SPMAP2L: variants seen among roughly 807,000 people sequenced by gnomAD.
SPMAP2L encodes sperm microtubule associated protein 2 like, also known as sperm microtubule associated protein 2-like.
chr4:56,551,691 G>A, the SPMAP2L span, among the ~76,000 whole-genome samples: 1 of 152,144 alleles, frequency 6.6e-6, no homozygotes. Context: ...TGTAATATGA[G>A]TCACCACAAC....
At chr4:56,617,321 C>T in the SPMAP2L span, among the ~76,000 whole-genome samples, 4 of 152,182 alleles carry the variant, frequency 2.6e-5, no homozygotes, top group African/African-American at 9.7e-5. Context: ...AATGGGACCA[C>T]TGTCATATAC....
chr4:56,532,312 T>TA, the SPMAP2L span, among the ~76,000 whole-genome samples: 1 of 152,188 alleles, frequency 6.6e-6, no homozygotes, highest in African/African-American at 2.4e-5. Flanking sequence ...TCTATTGCTT[T>TA]ACCCGCATCT....
the SPMAP2L span, among the ~76,000 whole-genome samples, chr4:56,605,451 A>G: frequency 6.6e-6 from 1 of 152,050 alleles, no homozygotes; most frequent in Admixed American, 6.5e-5. Flanking sequence ...AACAGAATAG[A>G]GAACTTTGAT....
the SPMAP2L span, chr4:56,603,394 T>A: frequency 1.8e-6 from 2 of 1,112,664 alleles, no homozygotes; most frequent in African/African-American, 3.1e-5. Context: ...TAGTTCCCTG[T>A]TGCGGTACTG....
chr4:56,566,235 G>A, the SPMAP2L span, among the ~76,000 whole-genome samples: 1 of 151,900 alleles, frequency 6.6e-6, no homozygotes, highest in South Asian at 2.1e-4. Flanking sequence ...TTTTGCTCTT[G>A]TTGCCCAGGC....
the SPMAP2L span, among the ~76,000 whole-genome samples, chr4:56,545,678 G>A: frequency 1.4e-5 from 2 of 138,348 alleles, no homozygotes; most frequent in Non-Finnish European, 3.0e-5. Flanking sequence ...TGATGATTGC[G>A]CTACTGCACT....
At chr4:56,561,136 A>C in the SPMAP2L span, among the ~76,000 whole-genome samples, 1 of 152,232 alleles carries the variant, frequency 6.6e-6, no homozygotes, top group Non-Finnish European at 1.5e-5. Context: ...TTTACTTGTA[A>C]AAGTTTATTC....
At chr4:56,619,649 A>G in the SPMAP2L span, among the ~76,000 whole-genome samples, 1 of 152,228 alleles carries the variant, frequency 6.6e-6, no homozygotes, top group Non-Finnish European at 1.5e-5. Context: ...GCAGATGAAC[A>G]TTTAGGCTGT....
At chr4:56,536,417 C>CA in the SPMAP2L span, among the ~76,000 whole-genome samples, 1 of 152,150 alleles carries the variant, frequency 6.6e-6, no homozygotes, top group Non-Finnish European at 1.5e-5. Context: ...CATGGGGTAC[C>CA]AAAAACAGCA....
At chr4:56,580,603 A>G in the SPMAP2L span, among the ~76,000 whole-genome samples, 2 of 152,050 alleles carry the variant, frequency 1.3e-5, no homozygotes, top group African/African-American at 4.8e-5. Context: ...TCAGTCTCAT[A>G]CTAGAGATTC....
At chr4:56,596,507 C>A in the SPMAP2L span, 1 of 1,520,258 alleles carries the variant, frequency 6.6e-7, no homozygotes, top group South Asian at 1.2e-5. Context: ...TAGATGCAAA[C>A]CAAGATTTCA....
At chr4:56,571,477 T>G in the SPMAP2L span, among the ~76,000 whole-genome samples, 1 of 151,958 alleles carries the variant, frequency 6.6e-6, no homozygotes, top group South Asian at 2.1e-4. Flanking sequence ...CACACCTGGT[T>G]AATTGTTTTG....
At chr4:56,538,319 C>T in the SPMAP2L span, among the ~76,000 whole-genome samples, 1 of 152,134 alleles carries the variant, frequency 6.6e-6, no homozygotes, top group Non-Finnish European at 1.5e-5. Context: ...CTGTGGTTCT[C>T]TCTACCTGGC....
At chr4:56,577,257 T>A in the SPMAP2L span, among the ~76,000 whole-genome samples, 1 of 152,000 alleles carries the variant, frequency 6.6e-6, no homozygotes. Context: ...ATATAAAAAT[T>A]AGCCAGGTGT....
At chr4:56,536,975 G>A in the SPMAP2L span, among the ~76,000 whole-genome samples, 1 of 152,084 alleles carries the variant, frequency 6.6e-6, no homozygotes, top group East Asian at 1.9e-4. Context: ...TGTTGGCCAG[G>A]CTGGTCTTGA....
chr4:56,543,891 AGAGAGTGT>A, the SPMAP2L span, among the ~76,000 whole-genome samples: 2 of 123,732 alleles, frequency 1.6e-5, no homozygotes, highest in African/African-American at 6.9e-5. Flanking sequence ...AGAGAGAGAG[AGAGAGTGT>A]GTGTGTGTGT....
chr4:56,578,742 A>C, the SPMAP2L span, among the ~76,000 whole-genome samples: 1 of 152,076 alleles, frequency 6.6e-6, no homozygotes, highest in Admixed American at 6.6e-5. Context: ...ATTGTTACTA[A>C]AGACAGAGAA....
chr4:56,577,655 A>G, the SPMAP2L span, among the ~76,000 whole-genome samples: 1 of 152,226 alleles, frequency 6.6e-6, no homozygotes, highest in African/African-American at 2.4e-5. Context: ...TCTGTTTAGC[A>G]AAGTTATCCT....
the SPMAP2L span, among the ~76,000 whole-genome samples, chr4:56,615,127 A>G: frequency 6.6e-5 from 10 of 152,284 alleles, no homozygotes; most frequent in East Asian, 1.9e-4. Flanking sequence ...TCCTCTCCCA[A>G]TCTGGTGGGT....
Sources: allele counts gnomAD v4.1 joint callset (sites outside exome capture counted in the v4.1 genomes callset), GRCh38; gene constraint gnomAD v4.1.1; transcripts MANE v1.5; gene names NCBI Gene and HGNC (gene_info 2026-07-23, HGNC 2026-07-21).